The following RNF121 variants were observed in gnomAD, a reference collection of about 807,000 sequenced individuals.
RNF121 encodes the protein ring finger protein 121, also known as E3 ubiquitin ligase RNF121.
Under a neutral mutation model 46.5 loss-of-function variants are expected in RNF121, and 21 were observed. The ratio of observed to expected loss-of-function variants is 0.45; its 90% CI spans 0.32 to 0.65. The LOEUF is 0.65. Among genes scored for constraint, RNF121 ranks in the 30% least tolerant of loss-of-function variants. The probability of loss-of-function intolerance (pLI) is 0.04; values close to 1 mark genes in which losing one functional copy is unlikely to be tolerated. For synonymous variants in RNF121, 139 were observed against 144.7 expected (o/e 0.96, Z 0.28); for missense variants, 346 against 416.0 (o/e 0.83, Z 1.46).
intron 5 of RNF121, 122 bp from the exon 6 acceptor site, chr11:71,990,475 C>T (rs1374756660): frequency 4.1e-5 from 52 of 1,257,470 alleles, no homozygotes; most frequent in Non-Finnish European, 5.5e-5. Flanking sequence ...CATAGTTTGC[C>T]CGCACTTGCT....
intron 1 of RNF121, among the ~76,000 whole-genome samples, chr11:71,936,336 T>C (rs1953409354): frequency 6.6e-6 from 1 of 152,146 alleles, no homozygotes; most frequent in Non-Finnish European, 1.5e-5. Context: ...AGATTCCCAT[T>C]TGAATTCCCA....
intron 3 of RNF121, among the ~76,000 whole-genome samples, chr11:71,972,475 G>A (rs1185840308): frequency 6.6e-6 from 1 of 152,108 alleles, no homozygotes; most frequent in Non-Finnish European, 1.5e-5. Context: ...GCAGGTTGGT[G>A]GCGCAGCCTT....
intron 1 of RNF121, among the ~76,000 whole-genome samples, chr11:71,930,856 G>T (rs1043770828): frequency 6.6e-6 from 1 of 152,110 alleles, no homozygotes; most frequent in African/African-American, 2.4e-5. Context: ...ATTTGAGATG[G>T]AGTTTCGCTC....
intron 3 of RNF121, among the ~76,000 whole-genome samples, chr11:71,967,359 T>TC (rs1262960428): frequency 7.3e-6 from 1 of 137,678 alleles, no homozygotes; most frequent in East Asian, 2.1e-4. Context: ...GTTTTTTTTT[T>TC]TTTTTTTTGA....
chr11:71,953,726 A>G (rs1953932108), intron 1 of RNF121, among the ~76,000 whole-genome samples: 2 of 152,204 alleles, frequency 1.3e-5, no homozygotes, highest in Non-Finnish European at 2.9e-5. Context: ...GTAAGGCAGA[A>G]TGTGGTTTGG....
At chr11:71,969,504 C>A (rs1025694360) in intron 3 of RNF121, among the ~76,000 whole-genome samples, 30 of 151,724 alleles carry the variant, frequency 2.0e-4, no homozygotes, top group Non-Finnish European at 4.1e-4. Flanking sequence ...TTTTTTTTGG[C>A]TAAGTTTGTG....
intron 2 of RNF121, among the ~76,000 whole-genome samples, chr11:71,958,815 AT>A (rs1356212805): frequency 6.6e-6 from 1 of 152,226 alleles, no homozygotes; most frequent in Non-Finnish European, 1.5e-5. Context: ...TCAAGCAAAG[AT>A]TGCAAAAATG....
Position 71,996,522 on chromosome 11 carries a change from A to G in RNF121, c.*207A>G. On this transcript the variant is annotated 3_prime_UTR_variant, in exon 9 of 9. Transcript: ENST00000361756. ...AGCAGTGGGGGGCTTTTTAAAAGAA[A>G]ACTATTTTGATGAATATATTTAAAA... 1.9e-6 allele frequency: 1 copy of G among 534,992 alleles called. No homozygotes were observed. The highest frequency in any genetic ancestry group is 3.1e-5 in the East Asian group (1 of 31,866). The allele number at this position is 534,992 out of a possible 1,614,324, so 33.1% of individuals were successfully genotyped here. A position where few individuals can be genotyped will look rare whatever the true frequency, so the allele number is the denominator to read the frequency against.
chr11:71,984,313 G>C (rs906934360), intron 4 of RNF121, among the ~76,000 whole-genome samples: 1 of 152,156 alleles, frequency 6.6e-6, no homozygotes, highest in African/African-American at 2.4e-5. Context: ...GTCTCGCTCT[G>C]TCGCCCAGGC....
chr11:71,956,746 C>T (rs545586229), intron 1 of RNF121, among the ~76,000 whole-genome samples: 1 of 152,310 alleles, frequency 6.6e-6, no homozygotes, highest in East Asian at 1.9e-4. Context: ...TTATTCCTTC[C>T]TGTCCATTTT....
At chr11:71,975,990 T>C (rs1198745177) in intron 3 of RNF121, among the ~76,000 whole-genome samples, 1 of 152,218 alleles carries the variant, frequency 6.6e-6, no homozygotes, top group African/African-American at 2.4e-5. Flanking sequence ...ACCGTGTTTC[T>C]GCCTTGTAGA....
chr11:71,950,588 T>TA (rs898563461), intron 1 of RNF121, among the ~76,000 whole-genome samples: 58 of 146,488 alleles, frequency 4.0e-4, no homozygotes, highest in Middle Eastern at 3.4e-3. Flanking sequence ...GACTCTGTCT[T>TA]AAAAAAAAAA....
At chr11:71,936,572 T>C (rs1181431798) in intron 1 of RNF121, among the ~76,000 whole-genome samples, 2 of 152,038 alleles carry the variant, frequency 1.3e-5, no homozygotes, top group African/African-American at 2.4e-5. Flanking sequence ...ATTTTTGTAT[T>C]TTTAGTAGAG....
rs779297267 is a variant in RNF121, at chr11:71,957,239, G to C, written c.76G>C (p.Asp26His). 5 of 1,605,102 alleles carry C rather than the reference G, an allele frequency of 3.1e-6. No homozygotes were observed. The highest frequency in any genetic ancestry group is 3.3e-4 in the Middle Eastern group (2 of 6,050). Residue 26 changes from aspartate to histidine, a missense_variant, in exon 2 of 9, where the codon GAT becomes CAT. Physicochemically the swap from Asp to His is moderately conservative, Grantham distance 81 (BLOSUM62 -1). Transcript: ENST00000361756. ...TGTCTTTCTACAGGTTGATATGTCA[G>C]ATCTCTCTCCAGAAGAGCAATGGAG... The part of the protein sequence containing the change: ...ERELDEVDMS[D>H]LSPEEQWRVE...
At chr11:71,937,413 A>G (rs1378739728) in intron 1 of RNF121, among the ~76,000 whole-genome samples, 2 of 152,106 alleles carry the variant, frequency 1.3e-5, no homozygotes, top group South Asian at 4.1e-4. Flanking sequence ...CCTGGGTTCA[A>G]GTGATTCTCC....
intron 1 of RNF121, among the ~76,000 whole-genome samples, chr11:71,932,707 C>G (rs915306697): frequency 4.6e-5 from 7 of 152,194 alleles, no homozygotes; most frequent in Non-Finnish European, 8.8e-5. Context: ...CCCATGTTTC[C>G]AGATTCCAGA....
At chr11:71,934,023 G>A (rs1259048501) in intron 1 of RNF121, among the ~76,000 whole-genome samples, 1 of 152,168 alleles carries the variant, frequency 6.6e-6, no homozygotes, top group Non-Finnish European at 1.5e-5. Flanking sequence ...TCCGGGCTTT[G>A]TTGGTGCTGT....
chr11:71,952,468 A>G (rs958087754), intron 1 of RNF121, among the ~76,000 whole-genome samples: 1 of 152,192 alleles, frequency 6.6e-6, no homozygotes, highest in Non-Finnish European at 1.5e-5. Flanking sequence ...TAAATTGACA[A>G]TTTATATATT....
intron 1 of RNF121, among the ~76,000 whole-genome samples, chr11:71,934,357 G>A (rs956153517): frequency 5.9e-5 from 9 of 152,228 alleles, no homozygotes; most frequent in African/African-American, 1.9e-4. Context: ...TGTCACAGGT[G>A]CTGTGATAGT....
Sources: gnomAD v4.1 joint callset for allele counts (sites outside exome capture counted in the v4.1 genomes callset) on GRCh38, gnomAD v4.1.1 for gene constraint, MANE v1.5 for transcripts, NCBI Gene and HGNC (gene_info 2026-07-23, HGNC 2026-07-21) for gene names.